The following SSH1 variants were observed in gnomAD, a reference collection of about 807,000 sequenced individuals.
SSH1 encodes the protein protein phosphatase Slingshot homolog 1.
SSH1 carries 43 observed loss-of-function variants against 79.7 expected under a neutral mutation model. The observed-to-expected ratio is 0.54, with a 90% CI of 0.42 to 0.70. SSH1 has a LOEUF of 0.70. Among genes scored for constraint, SSH1 ranks in the 30% least tolerant of loss-of-function variants. SSH1 has a pLI of 0.00. For missense variants in SSH1, 1,206 were observed against 1,358.8 expected (o/e 0.89, Z 1.77); for synonymous variants, 599 against 538.3 (o/e 1.11, Z -1.56).
chr12:108,826,349 G>A (rs2038308040), intron 2 of SSH1: 3 of 338,426 alleles, frequency 8.9e-6, no homozygotes, highest in Non-Finnish European at 1.1e-5. Flanking sequence ...CATTGATTGG[G>A]GCCCTGGAAC....
chr12:108,823,052 C>G (rs2038182561), intron 3 of SSH1, among the ~76,000 whole-genome samples: 1 of 152,204 alleles, frequency 6.6e-6, no homozygotes, highest in South Asian at 2.1e-4. Flanking sequence ...TTACTCCTGA[C>G]GCAGACAGAC....
Position 108,792,328 on chromosome 12 carries a change from G to A in SSH1, c.1851C>T (p.Asn617=), listed in dbSNP as rs753579567. 5 of 1,614,064 alleles carry A rather than the reference G, an allele frequency of 3.1e-6. No individual in the cohort carries two copies. The South Asian group carries it at 4.4e-5, about 14-fold the overall frequency. Residue 617 remains asparagine (N), a synonymous_variant, in exon 14 of 15, where the codon AAC becomes AAT. Coordinates refer to ENST00000326495, the MANE Select transcript of SSH1 (RefSeq NM_018984.4). Reference sequence around the variant, plus strand: ...AGCTCCTCTTGCTGTTGTTGTTTAGGTTCTCCGAGTTGAGCAGGTTTTGAT... The same window carrying A: ...AGCTCCTCTTGCTGTTGTTGTTTAGATTCTCCGAGTTGAGCAGGTTTTGAT... The part of the protein sequence containing the change: ...QLDQNLLNSE[N]LNNNSKRSCP...
Position 108,823,268 on chromosome 12 carries a change from G to T in SSH1, c.204C>A (p.His68Gln), listed in dbSNP as rs774256216. Residue 68 changes from histidine to glutamine, a missense_variant, in exon 3 of 15, where the codon CAC (histidine) becomes CAA (glutamine). Around this residue, in one of 5 missense-constraint regions of SSH1, gnomAD observed 100 missense variants for 82.3 expected, o/e 1.21. Transcript: ENST00000326495. ...ACTTAGAGCCCTCACCTGCATGCTT[G>T]TGGGGGTGCTGAAGACTCCGCTGGC... ...PQGQRSLQHPHKHAGDLPQHL... is the reference protein window; with the variant it reads ...PQGQRSLQHPQKHAGDLPQHL... The T allele has an allele frequency of 6.3e-7, 1 of 1,585,032 alleles. No individual in the cohort carries two copies. The highest frequency in any genetic ancestry group is 1.8e-5 in the Admixed American group (1 of 55,458).
At chr12:108,810,558 A>T (rs187028154) in intron 6 of SSH1, among the ~76,000 whole-genome samples, 68 of 152,338 alleles carry the variant, frequency 4.5e-4, no homozygotes, top group Middle Eastern at 3.4e-3. Flanking sequence ...AAGATATTAA[A>T]ATTAAAAAGG....
At chr12:108,790,544 A>G (rs1325770817) in intron 14 of SSH1, among the ~76,000 whole-genome samples, 2 of 152,122 alleles carry the variant, frequency 1.3e-5, no homozygotes, top group Non-Finnish European at 2.9e-5. Flanking sequence ...TTGGCCTCCA[A>G]AAGTGCTGGG....
At chr12:108,829,689 C>T (rs1215709611) in intron 2 of SSH1, among the ~76,000 whole-genome samples, 1 of 152,180 alleles carries the variant, frequency 6.6e-6, no homozygotes, top group African/African-American at 2.4e-5. Flanking sequence ...TGAATTCCAA[C>T]TCTGGTCATA....
intron 2 of SSH1, chr12:108,827,500 G>A: frequency 7.7e-7 from 1 of 1,292,068 alleles, no homozygotes; most frequent in Non-Finnish European, 9.8e-7. Flanking sequence ...TACCCGAAAA[G>A]CAAATGGCTC....
At chr12:108,848,376 C>T (rs148679096) in intron 2 of SSH1, among the ~76,000 whole-genome samples, 67 of 152,162 alleles carry the variant, frequency 4.4e-4, no homozygotes, top group Admixed American at 1.5e-3. Context: ...TAAGGCTAGA[C>T]GGAGGGGAGA....
chr12:108,789,964 G>C (rs1034123575), intron 14 of SSH1, among the ~76,000 whole-genome samples: 3 of 152,000 alleles, frequency 2.0e-5, no homozygotes, highest in Non-Finnish European at 4.4e-5. Flanking sequence ...AAAGTGCTAG[G>C]ATTACAGGTG....
At chr12:108,810,743 G>A (rs1008440918) in intron 6 of SSH1, among the ~76,000 whole-genome samples, 22 of 152,210 alleles carry the variant, frequency 1.4e-4, no homozygotes, top group Non-Finnish European at 1.8e-4. Flanking sequence ...GGGAGTGAAC[G>A]CGTGCGGACG....
rs189793502 is a variant in SSH1, at chr12:108,850,781, G to A, written c.110+1857C>T. ...GAGTCGGGGGAGGGGAACCTGGAGG[G>A]AGGGATCTGGGGAAGGGGATTTTGG... is the stretch of plus-strand genomic sequence containing the variant. On this transcript the variant is annotated intron_variant, in intron 2 of 14. Coordinates refer to ENST00000326495, the MANE Select transcript of SSH1 (RefSeq NM_018984.4). 6.0e-4 allele frequency among the ~76,000 whole-genome samples: 81 copies of A among 135,404 alleles called. 1 individual carries two copies. The highest frequency in any genetic ancestry group is 2.2e-3 in the African/African-American group (77 of 35,358). The allele number at this position is 135,404 out of a possible 152,430, so 88.8% of individuals were successfully genotyped here.
At chr12:108,825,453 T>A (rs1346671482) in intron 2 of SSH1, among the ~76,000 whole-genome samples, 5 of 152,230 alleles carry the variant, frequency 3.3e-5, no homozygotes, top group African/African-American at 1.2e-4. Context: ...TTATGTTCTA[T>A]GATATAAAGT....
chr12:108,826,012 C>T (rs2038295091), intron 2 of SSH1: 1 of 414,148 alleles, frequency 2.4e-6, no homozygotes, highest in Non-Finnish European at 4.7e-6. Context: ...CCTAAAACAA[C>T]CATCAGTTCA....
Position 108,800,284 on chromosome 12 carries a change from C to T in SSH1, c.1148+496G>A, listed in dbSNP as rs113503988. Among the ~76,000 whole-genome samples the T allele has an allele frequency of 8.0e-3, 1,215 of 152,306 alleles. 2 individuals are homozygous for T. Among genetic ancestry groups the T allele is most frequent in the Admixed American group, 0.012 (180 of 15,302 alleles). On this transcript the variant is annotated intron_variant, in intron 12 of 14. Coordinates refer to ENST00000326495, the MANE Select transcript of SSH1 (RefSeq NM_018984.4). ...GGGCAGTGGGGCTGGCCATGACCTC[C>T]AACGTGCTGTCCTGTTTCATGCGAC... is the stretch of plus-strand genomic sequence containing the variant.
At chr12:108,818,029 A>G (rs997251553) in intron 4 of SSH1, among the ~76,000 whole-genome samples, 1 of 151,974 alleles carries the variant, frequency 6.6e-6, no homozygotes, top group Non-Finnish European at 1.5e-5. Context: ...GCAAGACCCC[A>G]TATCCACAAA....
intron 13 of SSH1, 85 bp downstream of exon 13, chr12:108,798,915 C>T: frequency 2.0e-6 from 3 of 1,481,966 alleles, no homozygotes; most frequent in Non-Finnish European, 2.8e-6. Flanking sequence ...GGAGCATGCT[C>T]TGCTGCCGAC....
At chr12:108,813,764 GAGGGGAAGGGAAGGGA>G (rs1296168794) in intron 5 of SSH1, among the ~76,000 whole-genome samples, 1 of 133,286 alleles carries the variant, frequency 7.5e-6, no homozygotes. Flanking sequence ...GAGGGGAGGG[GAGGGGAAGGGAAGGGA>G]AGGGGAAGGG....
intron 2 of SSH1, among the ~76,000 whole-genome samples, chr12:108,830,471 C>T (rs1302272987): frequency 2.6e-5 from 4 of 152,086 alleles, no homozygotes; most frequent in African/African-American, 9.7e-5. Context: ...AAAACAAACA[C>T]ACAAACAAAC....
intron 2 of SSH1, among the ~76,000 whole-genome samples, chr12:108,828,802 T>C (rs2038398686): frequency 6.6e-6 from 1 of 152,128 alleles, no homozygotes; most frequent in Admixed American, 6.6e-5. Context: ...GACCAAGAAG[T>C]CGCTTTCAAG....
Sources: allele counts gnomAD v4.1 joint callset (sites outside exome capture counted in the v4.1 genomes callset), GRCh38; gene constraint gnomAD v4.1.1; regional missense constraint gnomAD v4.1.1; transcripts MANE v1.5; gene names NCBI Gene and HGNC (gene_info 2026-07-23, HGNC 2026-07-21).